MTUS2: variants seen among roughly 807,000 people sequenced by gnomAD.
MTUS2 encodes the protein microtubule-associated tumor suppressor candidate 2.
Under a neutral mutation model 114.1 loss-of-function variants are expected in MTUS2, and 40 were observed. The observed-to-expected ratio is 0.35, with a 90% CI of 0.27 to 0.46. MTUS2 has a LOEUF of 0.46. Ranked by LOEUF, MTUS2 falls within the 20% of genes least tolerant of loss-of-function variation. MTUS2 has a pLI of 1.00. For missense variants in MTUS2, 1,679 were observed against 1,705.4 expected (o/e 0.98, Z 0.27); for synonymous variants, 688 against 672.0 (o/e 1.02, Z -0.37).
intron 11 of MTUS2, among the ~76,000 whole-genome samples, chr13:29,490,764 C>T (rs188058153): frequency 5.9e-4 from 90 of 152,372 alleles, no homozygotes; most frequent in African/African-American, 1.8e-3. Context: ...CTGGTAAGCC[C>T]GGCTGGCAGG....
intron 2 of MTUS2, among the ~76,000 whole-genome samples, chr13:28,868,891 G>A (rs1877458028): frequency 6.6e-6 from 1 of 152,120 alleles, no homozygotes; most frequent in African/African-American, 2.4e-5. Context: ...GGGAAGCATT[G>A]GGCTGAGTCA....
At position 29,321,384 on chromosome 13, in the gene MTUS2, C is replaced by T. The variant is rs985676705; in HGVS notation, c.2807-3229C>T. On this transcript the variant is annotated intron_variant, in intron 6 of 15. Coordinates refer to ENST00000612955, the MANE Select transcript of MTUS2 (RefSeq NM_001033602.4). Reference sequence around the variant, plus strand: ...CTCATTGAGTGAAACGAAAGCTTACCGTGTATTTAGAAGACATTTAGGCTG... The same window carrying T: ...CTCATTGAGTGAAACGAAAGCTTACTGTGTATTTAGAAGACATTTAGGCTG... Among the ~76,000 whole-genome samples, 14 of 152,070 alleles carry T rather than the reference C, an allele frequency of 9.2e-5. No homozygotes were observed. The South Asian group carries it at 2.1e-3, about 23-fold the overall frequency.
chr13:28,943,769 T>G (rs1256669654), intron 2 of MTUS2, among the ~76,000 whole-genome samples: 5 of 152,038 alleles, frequency 3.3e-5, no homozygotes, highest in Admixed American at 6.6e-5. Flanking sequence ...ACCGGATGCA[T>G]AGGGAGGAAG....
chr13:29,297,524 A>G (rs1051893392), intron 6 of MTUS2, among the ~76,000 whole-genome samples: 2 of 152,146 alleles, frequency 1.3e-5, no homozygotes, highest in African/African-American at 4.8e-5. Flanking sequence ...AAACCTATAG[A>G]CCTAACTTCT....
chr13:29,021,919 G>T (rs2138464859), intron 2 of MTUS2, among the ~76,000 whole-genome samples: 1 of 152,300 alleles, frequency 6.6e-6, no homozygotes, highest in East Asian at 1.9e-4. Context: ...TGCACCAGGG[G>T]GTGCTACTGG....
chr13:29,035,238 T>C (rs1442383224), intron 4 of MTUS2, among the ~76,000 whole-genome samples: 2 of 152,168 alleles, frequency 1.3e-5, no homozygotes, highest in East Asian at 3.9e-4. Context: ...TAGAGAACAA[T>C]GTATGTTCCC....
chr13:29,040,500 T>C (rs1887299573), intron 4 of MTUS2, among the ~76,000 whole-genome samples: 1 of 152,242 alleles, frequency 6.6e-6, no homozygotes, highest in South Asian at 2.1e-4. Flanking sequence ...CTGGATCAAA[T>C]GGTAGTTCTA....
chr13:28,986,990 A>G lies in MTUS2; in HGVS notation c.-242-37467A>G, dbSNP rs557927217. Among the ~76,000 whole-genome samples the G allele has an allele frequency of 5.9e-5, 9 of 152,282 alleles. No homozygotes were observed. The South Asian group carries it at 1.5e-3, about 25-fold the overall frequency. ...TGCTCTAGTCCAGAGCTTTGTGTAC[A>G]TTGTTATATACTCCCATGGTGTTTT... is the stretch of plus-strand genomic sequence containing the variant. On this transcript the variant is annotated intron_variant, in intron 2 of 15. Coordinates refer to ENST00000612955, the MANE Select transcript of MTUS2 (RefSeq NM_001033602.4).
intron 6 of MTUS2, among the ~76,000 whole-genome samples, chr13:29,319,146 T>C (rs1329172526): frequency 6.6e-6 from 1 of 152,206 alleles, no homozygotes; most frequent in Non-Finnish European, 1.5e-5. Flanking sequence ...TGTGCATTTA[T>C]TGATTAAGGA....
At chr13:29,367,841 A>G (rs934146259) in intron 8 of MTUS2, among the ~76,000 whole-genome samples, 5 of 152,080 alleles carry the variant, frequency 3.3e-5, no homozygotes, top group Non-Finnish European at 7.4e-5. Context: ...CTGCTCCGGA[A>G]CTGTACATTG....
At chr13:29,341,606 G>A (rs1901405597) in intron 7 of MTUS2, among the ~76,000 whole-genome samples, 1 of 152,116 alleles carries the variant, frequency 6.6e-6, no homozygotes, top group Non-Finnish European at 1.5e-5. Context: ...TGTTCACTCT[G>A]CTGATTATTG....
At position 29,260,359 on chromosome 13, in the gene MTUS2, G is replaced by A. The variant is rs142524820; in HGVS notation, c.2645-21345G>A. ...CAGGCAAGTTCAGTCCCATTCCCCA[G>A]TTTCTGACTGAGACTGAGCAGAAAA... On this transcript the variant is annotated intron_variant, in intron 5 of 15. Transcript: ENST00000612955. Among the ~76,000 whole-genome samples the A allele has an allele frequency of 3.5e-3, 526 of 152,308 alleles. 3 individuals are homozygous for A. The highest frequency in any genetic ancestry group is 0.012 in the African/African-American group (484 of 41,564).
rs1323351242 is a variant in MTUS2, at chr13:29,017,899, G to A, written c.-242-6558G>A. Among the ~76,000 whole-genome samples, 4 of 152,278 alleles carry A rather than the reference G, an allele frequency of 2.6e-5. No homozygotes were observed. The East Asian group carries it at 5.8e-4, about 22-fold the overall frequency. The stretch of plus-strand genomic sequence containing the variant: ...ATAAAGGGAATAAGACACATGTAAC[G>A]ATAATAATGAGTCACATATAACTGT... On this transcript the variant is annotated intron_variant, in intron 2 of 15. Transcript: ENST00000612955.
At chr13:29,279,298 G>A (rs1042996521) in intron 5 of MTUS2, among the ~76,000 whole-genome samples, 7 of 152,158 alleles carry the variant, frequency 4.6e-5, no homozygotes. Flanking sequence ...GTGGTCAAGT[G>A]GAAGGGTAGG....
intron 9 of MTUS2, chr13:29,476,725 A>T (rs943631731): frequency 6.6e-6 from 1 of 152,212 alleles, no homozygotes; most frequent in African/African-American, 2.4e-5. Flanking sequence ...ATTTTGAAAG[A>T]TATCTTTTCC....
chr13:29,425,154 C>G (rs1026821288), intron 8 of MTUS2, among the ~76,000 whole-genome samples: 1 of 152,182 alleles, frequency 6.6e-6, no homozygotes, highest in Non-Finnish European at 1.5e-5. Context: ...TGGCTCACAC[C>G]TGTAATCCCA....
intron 6 of MTUS2, among the ~76,000 whole-genome samples, chr13:29,312,477 T>A (rs1033778163): frequency 6.6e-6 from 1 of 152,200 alleles, no homozygotes; most frequent in African/African-American, 2.4e-5. Flanking sequence ...TAATACTAAA[T>A]AGACTACATT....
chr13:28,923,946 C>G (rs1412543990), intron 2 of MTUS2, among the ~76,000 whole-genome samples: 1 of 152,106 alleles, frequency 6.6e-6, no homozygotes, highest in African/African-American at 2.4e-5. Context: ...CCCTCCCCAC[C>G]GTGATTCTCA....
intron 5 of MTUS2, among the ~76,000 whole-genome samples, chr13:29,254,118 T>A (rs1897218587): frequency 6.6e-6 from 1 of 152,134 alleles, no homozygotes; most frequent in South Asian, 2.1e-4. Flanking sequence ...TGACACAAGA[T>A]AGGGAAGCTG....
Sources: allele counts gnomAD v4.1 joint callset (sites outside exome capture counted in the v4.1 genomes callset), GRCh38; gene constraint gnomAD v4.1.1; transcripts MANE v1.5; gene names NCBI Gene and HGNC (gene_info 2026-07-23, HGNC 2026-07-21).